Variants in PDE3B observed in about 807,000 individuals in gnomAD.
PDE3B encodes phosphodiesterase 3B.
In PDE3B, 66 loss-of-function variants were observed where a neutral mutation model predicts 116.8. The observed-to-expected ratio is 0.56, with a 90% CI of 0.46 to 0.69. The LOEUF is 0.69. Among genes scored for constraint, PDE3B ranks in the 30% least tolerant of loss-of-function variants. The pLI is 0.00. For synonymous variants in PDE3B, 595 were observed against 533.6 expected, an observed-to-expected ratio of 1.12 and a Z score of -1.59; for missense variants, 1,384 against 1,368.1, an observed-to-expected ratio of 1.01 and a Z score of -0.18.
Position 14,644,591 on chromosome 11 carries a change from G to T in PDE3B, c.516G>T (p.Trp172Cys). 1 of 1,573,546 alleles carries T rather than the reference G, an allele frequency of 6.4e-7. No individual in the cohort carries two copies. Among genetic ancestry groups the T allele is most frequent in the Non-Finnish European group, 8.6e-7 (1 of 1,160,884 alleles). The change falls in exon 1 of 16, where the codon TGG becomes TGT. Residue 172 changes from tryptophan (W) to cysteine (C), a missense_variant. Physicochemically the swap from Trp to Cys is radical, Grantham distance 215. This residue lies in a region of PDE3B where 956 missense variants were observed against 806.8 expected (regional missense o/e 1.18). Transcript: ENST00000282096. ...GGGACTTCTTGGTGTGGCAGTGGTG[G>T]TCTTGGCCTTGGGGGGATGGCGACG... Reference protein sequence around the residue: ...YLGDFLVWQWWSWPWGDGDAG... With the variant: ...YLGDFLVWQWCSWPWGDGDAG...
rs554057418 is a variant in PDE3B, at chr11:14,661,958, T to A, written c.978+16905T>A. Among the ~76,000 whole-genome samples the A allele has an allele frequency of 1.2e-4, 18 of 152,174 alleles. No individual in the cohort carries two copies. The East Asian group carries it at 3.5e-3, about 29-fold the overall frequency. On this transcript the variant is annotated intron_variant, in intron 1 of 15. Transcript: ENST00000282096. ...TGACAGCTTTGAAGAGAGCAGTGGT[T>A]CTCCCAGCACGCAGCTGGAGATCTG...
chr11:14,847,560 T>A (rs1267545150), intron 12 of PDE3B, among the ~76,000 whole-genome samples: 1 of 151,912 alleles, frequency 6.6e-6, no homozygotes, highest in Non-Finnish European at 1.5e-5. Flanking sequence ...GAGCTGGTTT[T>A]TTGAAAGGAT....
chr11:14,653,780 C>A (rs968955480), intron 1 of PDE3B, among the ~76,000 whole-genome samples: 4 of 152,030 alleles, frequency 2.6e-5, no homozygotes, highest in Admixed American at 2.0e-4. Context: ...GGGTGGATGG[C>A]TTGAATCCAG....
chr11:14,760,043 G>A (rs1365401825), intron 1 of PDE3B, among the ~76,000 whole-genome samples: 1 of 152,130 alleles, frequency 6.6e-6, no homozygotes, highest in Non-Finnish European at 1.5e-5. Context: ...TAAATTGTGA[G>A]TATTGCAATA....
At chr11:14,808,298 A>G (rs1329928756) in intron 5 of PDE3B, among the ~76,000 whole-genome samples, 2 of 152,234 alleles carry the variant, frequency 1.3e-5, no homozygotes, top group East Asian at 3.8e-4. Flanking sequence ...AGCCAGCAAC[A>G]TAATAAACCT....
At chr11:14,809,543 G>A (rs980569725) in intron 5 of PDE3B, among the ~76,000 whole-genome samples, 1 of 152,224 alleles carries the variant, frequency 6.6e-6, no homozygotes, top group Non-Finnish European at 1.5e-5. Context: ...TATAGATAGA[G>A]AAAGTATATT....
chr11:14,702,964 C>A (rs1056707471), intron 1 of PDE3B, among the ~76,000 whole-genome samples: 2 of 151,916 alleles, frequency 1.3e-5, no homozygotes, highest in Non-Finnish European at 2.9e-5. Flanking sequence ...TGCTACCTTA[C>A]TCATTTCCAC....
the PDE3B span, among the ~76,000 whole-genome samples, chr11:14,892,780 A>G: frequency 1.3e-5 from 2 of 152,286 alleles, no homozygotes; most frequent in East Asian, 3.9e-4. Context: ...ATCTTTTAAT[A>G]ATTGTGATGA....
intron 1 of PDE3B, among the ~76,000 whole-genome samples, chr11:14,653,201 T>C (rs1368046200): frequency 6.6e-6 from 1 of 152,212 alleles, no homozygotes; most frequent in Non-Finnish European, 1.5e-5. Context: ...AACTTAGTTT[T>C]TGATCCCTAA....
intron 1 of PDE3B, among the ~76,000 whole-genome samples, chr11:14,754,848 T>C (rs1590117080): frequency 6.6e-6 from 1 of 152,204 alleles, no homozygotes; most frequent in Admixed American, 6.5e-5. Flanking sequence ...TTGAACTCTA[T>C]AGGCTCTTTT....
chr11:14,735,090 A>G (rs1171175854), intron 1 of PDE3B, among the ~76,000 whole-genome samples: 1 of 152,192 alleles, frequency 6.6e-6, no homozygotes, highest in Non-Finnish European at 1.5e-5. Flanking sequence ...AGATGATGTC[A>G]TATTTTTCAC....
intron 2 of PDE3B, among the ~76,000 whole-genome samples, chr11:14,783,880 C>T (rs972518064): frequency 2.0e-5 from 3 of 152,102 alleles, no homozygotes; most frequent in African/African-American, 7.2e-5. Context: ...CAGGCGTCAC[C>T]AACCAGTACC....
chr11:14,816,558 A>G (rs1008275473), intron 5 of PDE3B, among the ~76,000 whole-genome samples: 2 of 152,062 alleles, frequency 1.3e-5, no homozygotes, highest in African/African-American at 4.8e-5. Flanking sequence ...TTCCTGAAGC[A>G]CTCTGTTTTG....
chr11:14,688,698 C>G (rs1208357879), intron 1 of PDE3B, among the ~76,000 whole-genome samples: 4 of 152,120 alleles, frequency 2.6e-5, no homozygotes, highest in Non-Finnish European at 4.4e-5. Flanking sequence ...GTGTAGGTCA[C>G]TGAGTGTGAT....
intron 5 of PDE3B, among the ~76,000 whole-genome samples, chr11:14,815,373 C>T (rs1162562739): frequency 6.6e-6 from 1 of 152,114 alleles, no homozygotes. Flanking sequence ...ACCTTGTTCT[C>T]ATCTGGAGAA....
At chr11:14,810,571 T>C (rs1471763126) in intron 5 of PDE3B, among the ~76,000 whole-genome samples, 1 of 151,998 alleles carries the variant, frequency 6.6e-6, no homozygotes, top group Non-Finnish European at 1.5e-5. Context: ...CTATCATTGT[T>C]GGACATTTGG....
At chr11:14,761,068 G>A (rs1434960107) in intron 1 of PDE3B, among the ~76,000 whole-genome samples, 1 of 151,730 alleles carries the variant, frequency 6.6e-6, no homozygotes, top group Non-Finnish European at 1.5e-5. Flanking sequence ...ATTTATCATT[G>A]TGCTAGACTC....
At chr11:14,831,944 T>A (rs1669423801) in intron 9 of PDE3B, among the ~76,000 whole-genome samples, 167 bp downstream of exon 9, 1 of 152,128 alleles carries the variant, frequency 6.6e-6, no homozygotes, top group Non-Finnish European at 1.5e-5. Flanking sequence ...ATATATAAGA[T>A]GTAGATCATA....
intron 1 of PDE3B, chr11:14,673,858 G>A: frequency 2.2e-6 from 3 of 1,349,218 alleles, no homozygotes; most frequent in Non-Finnish European, 3.2e-6. Flanking sequence ...TTGTAGAGTA[G>A]TTGGGTGCCC....
Sources: gnomAD v4.1 joint callset for allele counts (sites outside exome capture counted in the v4.1 genomes callset) on GRCh38, gnomAD v4.1.1 for gene constraint, gnomAD v4.1.1 regional missense constraint, MANE v1.5 for transcripts, NCBI Gene and HGNC (gene_info 2026-07-23, HGNC 2026-07-21) for gene names.